The following SEC24D variants were observed in gnomAD, a reference collection of about 807,000 sequenced individuals.
SEC24D encodes the protein SEC24 homolog D, COPII component.
Under a neutral mutation model 116.9 loss-of-function variants are expected in SEC24D, and 69 were observed. That is an observed-to-expected ratio of 0.59 (90% CI 0.49 to 0.72). The LOEUF is 0.72. Among genes scored for constraint, SEC24D ranks in the 30% least tolerant of loss-of-function variants. SEC24D has a pLI of 0.00. For synonymous variants in SEC24D, 405 were observed against 442.8 expected (o/e 0.91, Z 1.07); for missense variants, 1,131 against 1,264.1 (o/e 0.89, Z 1.60).
chr4:118,749,160 T>C (rs1726699277), intron 13 of SEC24D, among the ~76,000 whole-genome samples: 1 of 152,132 alleles, frequency 6.6e-6, no homozygotes, highest in Admixed American at 6.5e-5. Flanking sequence ...GATTTTGAAA[T>C]AAATGCAGAT....
At chr4:118,802,793 A>G (rs1011923114) in intron 7 of SEC24D, among the ~76,000 whole-genome samples, 1 of 152,226 alleles carries the variant, frequency 6.6e-6, no homozygotes, top group Admixed American at 6.5e-5. Context: ...CTTGTACGTA[A>G]ATATCCACAG....
At chr4:118,793,386 G>A (rs1390259670) in intron 8 of SEC24D, among the ~76,000 whole-genome samples, 3 of 145,430 alleles carry the variant, frequency 2.1e-5, no homozygotes, top group Non-Finnish European at 3.0e-5. Flanking sequence ...AGAATGGCGT[G>A]AACCCGGGAG....
chr4:118,832,513 G>A (rs548458918), intron 2 of SEC24D, among the ~76,000 whole-genome samples: 1 of 152,288 alleles, frequency 6.6e-6, no homozygotes, highest in East Asian at 1.9e-4. Context: ...TGCCTGTGAA[G>A]AGGGAAGGGT....
At chr4:118,825,329 G>C (rs991814527) in intron 2 of SEC24D, 1 of 304,178 alleles carries the variant, frequency 3.3e-6, no homozygotes, top group Non-Finnish European at 6.4e-6. Flanking sequence ...CTCACTCACA[G>C]AGTCAGATTC....
intron 6 of SEC24D, among the ~76,000 whole-genome samples, chr4:118,807,416 C>T (rs1729721267): frequency 6.6e-6 from 1 of 151,614 alleles, no homozygotes; most frequent in African/African-American, 2.4e-5. Context: ...AGAAAGAATC[C>T]TAATAATTAT....
chr4:118,791,846 A>G (rs1259797694), intron 8 of SEC24D, among the ~76,000 whole-genome samples: 2 of 152,192 alleles, frequency 1.3e-5, no homozygotes, highest in Admixed American at 1.3e-4. Context: ...CCCAGGCTGG[A>G]GTGCAGTGGC....
At chr4:118,833,407 C>A in intron 2 of SEC24D, 172 bp downstream of exon 2, 1 of 508,578 alleles carries the variant, frequency 2.0e-6, no homozygotes. Flanking sequence ...AATAACCAAA[C>A]TAGTGATGTA....
intron 21 of SEC24D, chr4:118,730,693 A>G (rs1019182197): frequency 3.3e-5 from 5 of 152,384 alleles, no homozygotes; most frequent in African/African-American, 7.2e-5. Flanking sequence ...TTCCTAAGAT[A>G]CTTTAAAATA....
intron 8 of SEC24D, among the ~76,000 whole-genome samples, chr4:118,786,464 A>G (rs1308939202): frequency 1.3e-5 from 2 of 152,208 alleles, no homozygotes; most frequent in African/African-American, 4.8e-5. Context: ...CACACTGTAG[A>G]CCCTGGTACT....
At chr4:118,786,108 T>C (rs1483559641) in intron 8 of SEC24D, among the ~76,000 whole-genome samples, 2 of 152,178 alleles carry the variant, frequency 1.3e-5, no homozygotes. Context: ...CCTGCTAAAA[T>C]AGAGTCAATT....
In SEC24D at chr4:118,728,604, A is replaced by G. The variant is rs2110426925; in HGVS notation, c.2915T>C (p.Met972Thr). The G allele has an allele frequency of 3.1e-6, 5 of 1,611,380 alleles. No homozygotes were observed. Among genetic ancestry groups the G allele is most frequent in the Non-Finnish European group, 3.4e-6 (4 of 1,178,344 alleles). ...CTTTTGTTGGATAATACCCATTATC[A>G]TTCTGAGTTGTTGAGAGTATGGGTT... ...VGNPYSQQLRMIMGIIQQKRP... is the reference protein window; with the variant it reads ...VGNPYSQQLRTIMGIIQQKRP... The change falls in exon 22 of 23, where the codon ATG (methionine) becomes ACG (threonine). Residue 972 changes from methionine (M) to threonine (T), a missense_variant. By Grantham distance (81) the Met-to-Thr change is moderately conservative (BLOSUM62 -1). Coordinates refer to ENST00000280551, the MANE Select transcript of SEC24D (RefSeq NM_014822.4).
Position 118,742,383 on chromosome 4 carries a change from A to G in SEC24D, c.1996-1346T>C, listed in dbSNP as rs543161661. 9.1e-4 allele frequency among the ~76,000 whole-genome samples: 132 copies of G among 145,238 alleles called. 2 individuals are homozygous for G. Among genetic ancestry groups the G allele is most frequent in the Middle Eastern group, 3.5e-3 (1 of 286 alleles). ...TCCTTTTTGGAAAAGTGGGGGGGGG[A>G]AAGCTTCTGATGAAATTTATCCCCC... is the stretch of plus-strand genomic sequence containing the variant. On this transcript the variant is annotated intron_variant, in intron 15 of 22. Coordinates refer to ENST00000280551, the MANE Select transcript of SEC24D (RefSeq NM_014822.4).
At chr4:118,743,874 G>T in intron 15 of SEC24D, 114 bp downstream of exon 15, 1 of 944,786 alleles carries the variant, frequency 1.1e-6, no homozygotes, top group Non-Finnish European at 1.5e-6. Flanking sequence ...ATCTGCTCTT[G>T]AATTTATATG....
intron 8 of SEC24D, among the ~76,000 whole-genome samples, chr4:118,792,325 C>G (rs1728962016): frequency 6.6e-6 from 1 of 151,668 alleles, no homozygotes; most frequent in Non-Finnish European, 1.5e-5. Flanking sequence ...GGGGGCGCCT[C>G]TGCCCGGCCA....
chr4:118,723,431 T>C lies in SEC24D; in HGVS notation c.*84A>G, dbSNP rs1165157135. ...CTGAAAATGAGCAAGAAATCAAAAC[T>C]AGCCTATTATCATCTAGAAAATTAG... On this transcript the variant is annotated 3_prime_UTR_variant, in exon 23 of 23. Transcript: ENST00000280551. 1 of 1,353,288 alleles carries C rather than the reference T, an allele frequency of 7.4e-7. No homozygotes were observed. Among genetic ancestry groups the C allele is most frequent in the African/African-American group, 1.5e-5 (1 of 68,054 alleles). The allele number at this position is 1,353,288 out of a possible 1,614,324, so 83.8% of individuals were successfully genotyped here.
intron 8 of SEC24D, among the ~76,000 whole-genome samples, chr4:118,789,407 G>A (rs938356009): frequency 5.9e-5 from 9 of 152,172 alleles, no homozygotes; most frequent in African/African-American, 1.4e-4. Flanking sequence ...CTGACGTAAC[G>A]TATTGGTGCT....
Position 118,731,233 on chromosome 4 carries a change from T to C in SEC24D, c.2868+83A>G, listed in dbSNP as rs556777297. 46 of 1,108,800 alleles carry C rather than the reference T, an allele frequency of 4.1e-5. No homozygotes were observed. In the African/African-American group the frequency reaches 6.1e-4, roughly 15 times the overall value. The allele number at this position is 1,108,800 out of a possible 1,614,324, so 68.7% of individuals were successfully genotyped here. A position where few individuals can be genotyped will look rare whatever the true frequency, so the allele number is the denominator to read the frequency against. ...ATATGCCTTATTATTTTTCTTTCTGTAATATTTGACTGCACATAAATAAAA... is the reference window on the plus strand; with the variant it reads ...ATATGCCTTATTATTTTTCTTTCTGCAATATTTGACTGCACATAAATAAAA... On this transcript the variant is annotated intron_variant, in intron 21 of 22. Transcript: ENST00000280551.
rs370217528 is a variant in SEC24D, at chr4:118,739,205, G to A, written c.2321C>T (p.Ala774Val). 5.6e-6 allele frequency: 9 copies of A among 1,613,500 alleles called. No homozygotes were observed. Among genetic ancestry groups the A allele is most frequent in the Non-Finnish European group, 7.6e-6 (9 of 1,179,594 alleles). Residue 774 changes from alanine (A) to valine (V), a missense_variant, in exon 18 of 23, where the codon GCT becomes GTT. Transcript: ENST00000280551. ...NLGLNCSSQL[A>V]DLYKSCETDA... ...TGTCTCACAGCTCTTATAAAGATCAGCTAGCTGAGAGCTGCAGTTTAAGCC... is the reference window on the plus strand; with the variant it reads ...TGTCTCACAGCTCTTATAAAGATCAACTAGCTGAGAGCTGCAGTTTAAGCC...
intron 15 of SEC24D, among the ~76,000 whole-genome samples, chr4:118,742,101 C>CACTGAGGT (rs1395405808): frequency 6.6e-6 from 1 of 151,940 alleles, no homozygotes; most frequent in Non-Finnish European, 1.5e-5. Flanking sequence ...ATTATGGATA[C>CACTGAGGT]ACTGAGGTAC....
Sources: gnomAD v4.1 joint callset for allele counts (sites outside exome capture counted in the v4.1 genomes callset) on GRCh38, gnomAD v4.1.1 for gene constraint, MANE v1.5 for transcripts, NCBI Gene and HGNC (gene_info 2026-07-23, HGNC 2026-07-21) for gene names.